SPATS2L: variants seen among roughly 807,000 people sequenced by gnomAD.
SPATS2L encodes SPATS2-like protein.
In SPATS2L, 30 loss-of-function variants were observed where a neutral mutation model predicts 59.6. The observed-to-expected ratio is 0.50, with a 90% confidence interval of 0.38 to 0.68. The LOEUF (loss-of-function observed/expected upper bound fraction) is 0.68, where lower values mean the gene tolerates loss of function less well. Ranked by LOEUF, SPATS2L falls within the 30% of genes least tolerant of loss-of-function variation. The pLI, the probability that SPATS2L is intolerant of heterozygous loss-of-function variation, is 0.00. For missense variants in SPATS2L, 615 were observed against 700.0 expected (o/e 0.88, Z 1.37); for synonymous variants, 252 against 263.5 (o/e 0.96, Z 0.42).
intron 8 of SPATS2L, among the ~76,000 whole-genome samples, chr2:200,449,901 G>C: frequency 6.6e-6 from 1 of 152,140 alleles, no homozygotes; most frequent in East Asian, 1.9e-4. Context: ...AAATCATATA[G>C]AAAGGCTGTA....
chr2:200,427,958 G>A (rs1230356787), intron 6 of SPATS2L, among the ~76,000 whole-genome samples: 1 of 152,064 alleles, frequency 6.6e-6, no homozygotes, highest in Non-Finnish European at 1.5e-5. Context: ...TGTAGTCCCA[G>A]CTGCTTGGGA....
chr2:200,412,725 A>G (rs1160279649), intron 4 of SPATS2L, among the ~76,000 whole-genome samples: 1 of 152,214 alleles, frequency 6.6e-6, no homozygotes, highest in African/African-American at 2.4e-5. Context: ...TAGTGCTACT[A>G]ATTTCCTTGC....
At chr2:200,383,124 G>A (rs900976142) in intron 2 of SPATS2L, among the ~76,000 whole-genome samples, 3 of 152,168 alleles carry the variant, frequency 2.0e-5, no homozygotes, top group African/African-American at 7.2e-5. Context: ...CTGGTGAGGG[G>A]CAGAGTATTT....
intron 3 of SPATS2L, among the ~76,000 whole-genome samples, chr2:200,412,034 T>C (rs1470331633): frequency 1.3e-5 from 2 of 151,998 alleles, no homozygotes; most frequent in East Asian, 1.9e-4. Context: ...GGAGGGTAGA[T>C]TGCAAAACCA....
chr2:200,412,605 CA>C (rs11324274), intron 4 of SPATS2L, among the ~76,000 whole-genome samples, 186 bp downstream of exon 4: 51,837 of 125,646 alleles, frequency 0.41, 9,291 homozygotes, highest in Admixed American at 0.46. Flanking sequence ...GACCCCATCT[CA>C]AAAAAAAAAA....
At position 200,471,036 on chromosome 2, in the gene SPATS2L, T is replaced by G. The variant is rs1189204656; in HGVS notation, c.1060+1020T>G. 7.2e-5 allele frequency among the ~76,000 whole-genome samples: 11 copies of G among 152,236 alleles called. No homozygotes were observed. The East Asian group carries it at 2.1e-3, about 30-fold the overall frequency. ...TTAGCTGGGCGTGGTGGCAGGTGCC[T>G]GTAAGCCCAGCTACTTGGGAGGCTG... On this transcript the variant is annotated intron_variant, in intron 11 of 12. Transcript: ENST00000409140.
intron 8 of SPATS2L, among the ~76,000 whole-genome samples, chr2:200,449,407 A>G (rs1176893943): frequency 6.6e-6 from 1 of 152,250 alleles, no homozygotes; most frequent in Non-Finnish European, 1.5e-5. Flanking sequence ...CACACTTGGC[A>G]CTGGCAGTCA....
intron 3 of SPATS2L, among the ~76,000 whole-genome samples, chr2:200,409,536 G>A (rs2082803603): frequency 6.6e-6 from 1 of 152,162 alleles, no homozygotes; most frequent in Admixed American, 6.5e-5. Flanking sequence ...TAAATAACAG[G>A]CTGAGAAACA....
intron 2 of SPATS2L, among the ~76,000 whole-genome samples, chr2:200,375,358 G>A: frequency 6.6e-6 from 1 of 152,106 alleles, no homozygotes. Flanking sequence ...AGGAACTAGA[G>A]AGCTATAGTC....
At chr2:200,465,421 T>A (rs1441494614) in intron 9 of SPATS2L, among the ~76,000 whole-genome samples, 2 of 152,246 alleles carry the variant, frequency 1.3e-5, no homozygotes, top group Admixed American at 1.3e-4. Flanking sequence ...TGGCTGAAAA[T>A]GAGAGTGAGC....
chr2:200,364,646 T>C (rs1461292819), intron 2 of SPATS2L, among the ~76,000 whole-genome samples: 1 of 152,224 alleles, frequency 6.6e-6, no homozygotes, highest in Admixed American at 6.5e-5. Context: ...AAATTTATTC[T>C]AGTGCCATCC....
At chr2:200,464,958 A>G (rs1009450601) in intron 9 of SPATS2L, among the ~76,000 whole-genome samples, 15 of 152,192 alleles carry the variant, frequency 9.9e-5, no homozygotes, top group Non-Finnish European at 2.9e-5. Flanking sequence ...TGACCCCTGT[A>G]GAAAAGGAAC....
intron 1 of SPATS2L, among the ~76,000 whole-genome samples, chr2:200,327,902 T>C (rs539703419): frequency 6.6e-6 from 1 of 152,240 alleles, no homozygotes; most frequent in Non-Finnish European, 1.5e-5. Context: ...ACAAAAGATT[T>C]CTGTCAAAAT....
intron 4 of SPATS2L, among the ~76,000 whole-genome samples, chr2:200,415,887 A>G (rs2083037585): frequency 6.6e-6 from 1 of 152,106 alleles, no homozygotes; most frequent in African/African-American, 2.4e-5. Context: ...TATCATTGTA[A>G]TATGTCTTCC....
At chr2:200,473,382 A>C (rs1053495859) in intron 12 of SPATS2L, among the ~76,000 whole-genome samples, 5 of 152,194 alleles carry the variant, frequency 3.3e-5, no homozygotes, top group Admixed American at 6.5e-5. Context: ...AAACCAGCCC[A>C]CACGTGGAAG....
At chr2:200,385,256 C>T (rs959300824) in intron 2 of SPATS2L, among the ~76,000 whole-genome samples, 1 of 152,198 alleles carries the variant, frequency 6.6e-6, no homozygotes, top group African/African-American at 2.4e-5. Context: ...GCATTAGAGG[C>T]TTCTTGGGCT....
chr2:200,432,458 A>C (rs1211179116), intron 6 of SPATS2L, among the ~76,000 whole-genome samples: 1 of 152,184 alleles, frequency 6.6e-6, no homozygotes, highest in Non-Finnish European at 1.5e-5. Context: ...ATTTATCCTC[A>C]AGGCAAAAAG....
chr2:200,323,273 A>G (rs2079624147), intron 1 of SPATS2L, among the ~76,000 whole-genome samples: 1 of 152,168 alleles, frequency 6.6e-6, no homozygotes, highest in South Asian at 2.1e-4. Context: ...GGAGATAATG[A>G]CTACTATATA....
intron 6 of SPATS2L, among the ~76,000 whole-genome samples, chr2:200,436,044 T>C (rs2084264613): frequency 6.6e-6 from 1 of 152,174 alleles, no homozygotes; most frequent in South Asian, 2.1e-4. Flanking sequence ...CAAGCCACAT[T>C]TCCAGTGTTC....
Sources: allele counts gnomAD v4.1 joint callset (sites outside exome capture counted in the v4.1 genomes callset), GRCh38; gene constraint gnomAD v4.1.1; transcripts MANE v1.5; gene names NCBI Gene and HGNC (gene_info 2026-07-23, HGNC 2026-07-21).